The following CPA6 variants were observed in gnomAD, a reference collection of about 807,000 sequenced individuals.
CPA6 encodes carboxypeptidase A6.
Under a neutral mutation model 63.3 loss-of-function variants are expected in CPA6, and 58 were observed. The observed-to-expected ratio is 0.92, with a 90% confidence interval of 0.74 to 1.14. The LOEUF is 1.14. CPA6 is among the 50% of genes most tolerant of loss of function. The pLI is 0.00. For missense variants in CPA6, 565 were observed against 526.6 expected, an observed-to-expected ratio of 1.07 and a Z score of -0.71; for synonymous variants, 185 against 179.0, an observed-to-expected ratio of 1.03 and a Z score of -0.27.
At chr8:67,618,311 G>A (rs935299029) in intron 2 of CPA6, among the ~76,000 whole-genome samples, 18 of 152,134 alleles carry the variant, frequency 1.2e-4, no homozygotes, top group African/African-American at 4.3e-4. Context: ...TGATTAAACT[G>A]TCCAGTTGGA....
intron 1 of CPA6, among the ~76,000 whole-genome samples, chr8:67,719,443 A>G (rs144768435): frequency 9.9e-4 from 151 of 152,226 alleles, no homozygotes; most frequent in African/African-American, 3.5e-3. Context: ...GGAAAAAAAA[A>G]TTAAAGGGGA....
chr8:67,686,874 A>G (rs753357534), intron 1 of CPA6, among the ~76,000 whole-genome samples: 47 of 152,244 alleles, frequency 3.1e-4, no homozygotes, highest in Non-Finnish European at 6.8e-4. Flanking sequence ...AAAAATACAT[A>G]GAACTGACTT....
intron 1 of CPA6, among the ~76,000 whole-genome samples, chr8:67,716,570 A>T (rs1432739682): frequency 2.0e-5 from 3 of 152,218 alleles, no homozygotes; most frequent in African/African-American, 7.2e-5. Context: ...AGAGGAAGCA[A>T]TCAGATATGA....
At chr8:67,480,531 A>G (rs1172914494) in intron 8 of CPA6, among the ~76,000 whole-genome samples, 2 of 152,202 alleles carry the variant, frequency 1.3e-5, no homozygotes, top group East Asian at 3.8e-4. Context: ...ATAATATTCC[A>G]TTCTATAAAT....
At chr8:67,611,573 T>G (rs1814808541) in intron 2 of CPA6, among the ~76,000 whole-genome samples, 1 of 152,246 alleles carries the variant, frequency 6.6e-6, no homozygotes, top group South Asian at 2.1e-4. Flanking sequence ...ACCCTCTTTT[T>G]GTCTTGCCTT....
At chr8:67,475,767 C>CTCTTTCTTTCTTTCTT (rs71253008) in intron 8 of CPA6, among the ~76,000 whole-genome samples, 32 of 71,670 alleles carry the variant, frequency 4.5e-4, no homozygotes, top group South Asian at 1.1e-3. Context: ...TTCTTTCTTT[C>CTCTTTCTTTCTTTCTT]TCTTTCTTTC....
At chr8:67,473,537 ACT>A (rs1293587588) in intron 8 of CPA6, among the ~76,000 whole-genome samples, 2 of 152,186 alleles carry the variant, frequency 1.3e-5, no homozygotes, top group Admixed American at 1.3e-4. Context: ...TTTATAAAAG[ACT>A]CTGTACTGGT....
intron 8 of CPA6, among the ~76,000 whole-genome samples, chr8:67,461,056 T>C (rs1454887963): frequency 6.6e-6 from 1 of 151,724 alleles, no homozygotes; most frequent in Non-Finnish European, 1.5e-5. Context: ...TTTCTTTTTT[T>C]TTTTTTTTAA....
intron 1 of CPA6, among the ~76,000 whole-genome samples, chr8:67,687,643 G>A (rs1785010374): frequency 6.6e-6 from 1 of 152,132 alleles, no homozygotes; most frequent in Non-Finnish European, 1.5e-5. Flanking sequence ...CTAATGAGCT[G>A]CAATAGATGC....
chr8:67,545,656 C>G (rs556200329), intron 2 of CPA6, among the ~76,000 whole-genome samples: 2 of 151,102 alleles, frequency 1.3e-5, no homozygotes, highest in African/African-American at 2.4e-5. Context: ...CACTCCACCC[C>G]CTGGGTTCAA....
At chr8:67,437,450 A>T (rs1201951304) in intron 8 of CPA6, among the ~76,000 whole-genome samples, 1 of 152,200 alleles carries the variant, frequency 6.6e-6, no homozygotes, top group Admixed American at 6.5e-5. Flanking sequence ...CTCTGGAGGG[A>T]ATGGAAAAAA....
At chr8:67,477,447 A>G (rs1407489119) in intron 8 of CPA6, among the ~76,000 whole-genome samples, 1 of 152,176 alleles carries the variant, frequency 6.6e-6, no homozygotes, top group Non-Finnish European at 1.5e-5. Context: ...AAAGAATACT[A>G]TAAGCCAACA....
At chr8:67,477,845 C>T (rs546008445) in intron 8 of CPA6, among the ~76,000 whole-genome samples, 1 of 152,302 alleles carries the variant, frequency 6.6e-6, no homozygotes, top group African/African-American at 2.4e-5. Context: ...CCTGAGCTTA[C>T]CTTGAAGCCA....
intron 1 of CPA6, among the ~76,000 whole-genome samples, chr8:67,681,195 A>ATT (rs1554533441): frequency 2.1e-5 from 2 of 97,140 alleles, no homozygotes; most frequent in African/African-American, 1.2e-4. Context: ...GGTCACAAAG[A>ATT]TTTTCTTTTT....
At chr8:67,589,530 T>C (rs1201583184) in intron 2 of CPA6, among the ~76,000 whole-genome samples, 1 of 152,188 alleles carries the variant, frequency 6.6e-6, no homozygotes, top group Non-Finnish European at 1.5e-5. Flanking sequence ...GTAAGACCAC[T>C]TCTAAACTTC....
chr8:67,677,592 T>C (rs1816504256), intron 1 of CPA6, among the ~76,000 whole-genome samples: 1 of 152,132 alleles, frequency 6.6e-6, no homozygotes, highest in Non-Finnish European at 1.5e-5. Context: ...TCTGTATATG[T>C]GTGTATGTGA....
intron 8 of CPA6, among the ~76,000 whole-genome samples, chr8:67,462,861 G>A (rs1463035068): frequency 1.3e-5 from 2 of 152,118 alleles, no homozygotes; most frequent in Non-Finnish European, 2.9e-5. Context: ...TAGCATTCAA[G>A]CAGAGTGCCT....
intron 9 of CPA6, 113 bp downstream of exon 9, chr8:67,433,925 T>G (rs1262148689): frequency 1.4e-6 from 1 of 737,376 alleles, no homozygotes; most frequent in African/African-American, 1.8e-5. Flanking sequence ...TGTAAAATAT[T>G]TATTAGGATA....
chr8:67,673,805 C>T (rs971640983), intron 1 of CPA6, among the ~76,000 whole-genome samples: 4 of 152,060 alleles, frequency 2.6e-5, no homozygotes, highest in African/African-American at 4.8e-5. Context: ...GCCTGCTGTG[C>T]GCCAGACACT....
Sources: allele counts gnomAD v4.1 joint callset (sites outside exome capture counted in the v4.1 genomes callset), GRCh38; gene constraint gnomAD v4.1.1; transcripts MANE v1.5; gene names NCBI Gene and HGNC (gene_info 2026-07-23, HGNC 2026-07-21).